The following SDK1 variants were observed in gnomAD, a reference collection of about 807,000 sequenced individuals.
SDK1 encodes protein sidekick-1.
SDK1 carries 157 observed loss-of-function variants against 245.5 expected under a neutral mutation model. That is an observed-to-expected ratio of 0.64 (90% confidence interval 0.56 to 0.73). SDK1 has a LOEUF of 0.73. SDK1 is among the 30% of genes least tolerant of loss of function. SDK1 has a pLI of 0.00. For synonymous variants in SDK1, 1,647 were observed against 1,278.5 expected (o/e 1.29, Z -6.15); for missense variants, 3,583 against 3,002.3 (o/e 1.19, Z -4.52).
intron 14 of SDK1, among the ~76,000 whole-genome samples, chr7:4,004,940 G>A (rs184264724): frequency 4.7e-5 from 7 of 150,482 alleles, no homozygotes; most frequent in Admixed American, 1.3e-4. Context: ...CTACCTCCCC[G>A]CTTCCTGCTT....
At chr7:3,348,585 A>G (rs554595266) in intron 1 of SDK1, among the ~76,000 whole-genome samples, 2 of 152,214 alleles carry the variant, frequency 1.3e-5, no homozygotes, top group South Asian at 4.1e-4. Flanking sequence ...GTGAAAACCT[A>G]CCTGTTGGGT....
In SDK1 at chr7:4,208,229, ACGC is replaced by A. The variant is rs759693511; in HGVS notation, c.5351_5353del (p.Ala1784del). The A allele has an allele frequency of 6.2e-7, 1 of 1,613,972 alleles. No homozygotes were observed. Among genetic ancestry groups the A allele is most frequent in the Non-Finnish European group, 8.5e-7 (1 of 1,180,022 alleles). On this transcript the variant is annotated inframe_deletion, in exon 37 of 45. Coordinates refer to ENST00000404826, the MANE Select transcript of SDK1 (RefSeq NM_152744.4). ...TACCTGGTCAGCATATCAGCCTTCA[ACGC>A]CGCCGGAGATGGACCTAAGAGTGAC...
Position 3,360,787 on chromosome 7 carries a change from G to A in SDK1, c.298+58903G>A, listed in dbSNP as rs143700142. Reference sequence around the variant, plus strand: ...TTAGCAGTCCCCCCTCCCCACAGAGGCAGAGAAGACTCCACTCTGTTATGT... The same window carrying A: ...TTAGCAGTCCCCCCTCCCCACAGAGACAGAGAAGACTCCACTCTGTTATGT... On this transcript the variant is annotated intron_variant, in intron 1 of 44. Coordinates refer to ENST00000404826, the MANE Select transcript of SDK1 (RefSeq NM_152744.4). 2.8e-3 allele frequency among the ~76,000 whole-genome samples: 421 copies of A among 152,254 alleles called. 3 individuals carry two copies. Among genetic ancestry groups the A allele is most frequent in the African/African-American group, 9.6e-3 (399 of 41,530 alleles).
chr7:3,323,920 T>G (rs971763918), intron 1 of SDK1, among the ~76,000 whole-genome samples: 2 of 152,204 alleles, frequency 1.3e-5, no homozygotes, highest in South Asian at 2.1e-4. Context: ...AATGTCATCT[T>G]CTCTGTCTTT....
chr7:4,253,151 A>T (rs1338698711), intron 44 of SDK1, among the ~76,000 whole-genome samples: 1 of 152,042 alleles, frequency 6.6e-6, no homozygotes, highest in Non-Finnish European at 1.5e-5. Flanking sequence ...TCTAATCTTT[A>T]TGACTTTCTT....
At chr7:3,751,448 C>CG (rs1779769342) in intron 4 of SDK1, among the ~76,000 whole-genome samples, 3 of 4,174 alleles carry the variant, frequency 7.2e-4, no homozygotes, top group East Asian at 4.7e-3. Context: ...AGAACTTCGG[C>CG]GGGGGGTGGG....
chr7:3,617,505 G>T (rs868497887), intron 1 of SDK1, among the ~76,000 whole-genome samples: 2 of 152,222 alleles, frequency 1.3e-5, no homozygotes, highest in Non-Finnish European at 2.9e-5. Flanking sequence ...CACAGTAGGT[G>T]TCTCACTCCG....
At chr7:3,715,517 G>A (rs921404609) in intron 4 of SDK1, among the ~76,000 whole-genome samples, 5 of 152,072 alleles carry the variant, frequency 3.3e-5, no homozygotes, top group African/African-American at 1.2e-4. Context: ...AGGGAAGTGC[G>A]TTCTGTCCCA....
At chr7:4,259,143 A>G (rs1787810333) in intron 44 of SDK1, among the ~76,000 whole-genome samples, 1 of 152,224 alleles carries the variant, frequency 6.6e-6, no homozygotes. Flanking sequence ...CAGATGAAGA[A>G]TAAATCTTAA....
chr7:4,261,562 C>T (rs1437009999), intron 44 of SDK1, among the ~76,000 whole-genome samples: 1 of 152,190 alleles, frequency 6.6e-6, no homozygotes, highest in Non-Finnish European at 1.5e-5. Flanking sequence ...CAGCTCCTAG[C>T]CTGGCCGCTG....
At chr7:3,893,564 C>T (rs757424830) in intron 5 of SDK1, among the ~76,000 whole-genome samples, 1 of 151,926 alleles carries the variant, frequency 6.6e-6, no homozygotes, top group East Asian at 1.9e-4. Context: ...TCACATTTCT[C>T]CAGCATTCTG....
At chr7:4,260,240 A>G (rs375574218) in intron 44 of SDK1, among the ~76,000 whole-genome samples, 7 of 141,378 alleles carry the variant, frequency 5.0e-5, no homozygotes, top group Non-Finnish European at 1.1e-4. Context: ...AGATGTGTTC[A>G]TCGTCACCTG....
chr7:3,967,245 A>G, intron 9 of SDK1, 73 bp from the exon 10 acceptor site: 2 of 1,163,736 alleles, frequency 1.7e-6, no homozygotes, highest in Non-Finnish European at 1.3e-6. Flanking sequence ...AAGCCCGTGC[A>G]GGATACTCTG....
intron 5 of SDK1, among the ~76,000 whole-genome samples, chr7:3,866,686 CTG>C (rs1780829331): frequency 6.6e-6 from 1 of 152,140 alleles, no homozygotes; most frequent in Non-Finnish European, 1.5e-5. Flanking sequence ...AAAAGAGAGA[CTG>C]AGCATTGATT....
chr7:3,670,764 C>G (rs1266099272), intron 4 of SDK1, among the ~76,000 whole-genome samples: 1 of 152,182 alleles, frequency 6.6e-6, no homozygotes, highest in African/African-American at 2.4e-5. Context: ...ACCTTACATC[C>G]CAGCTGGCTC....
intron 38 of SDK1, among the ~76,000 whole-genome samples, chr7:4,219,610 G>A (rs1310841476): frequency 6.6e-6 from 1 of 152,118 alleles, no homozygotes; most frequent in Non-Finnish European, 1.5e-5. Context: ...TGACAAGTGG[G>A]GATTATTACA....
intron 5 of SDK1, among the ~76,000 whole-genome samples, chr7:3,839,796 G>A (rs1357757082): frequency 6.6e-6 from 1 of 152,126 alleles, no homozygotes; most frequent in African/African-American, 2.4e-5. Context: ...CAATTATGAT[G>A]GATAATCAAA....
chr7:3,509,746 C>A (rs1008341415), intron 1 of SDK1, among the ~76,000 whole-genome samples: 10 of 152,320 alleles, frequency 6.6e-5, no homozygotes, highest in South Asian at 4.1e-4. Flanking sequence ...TGTTTTCTAC[C>A]TTCGGCCCTG....
intron 5 of SDK1, among the ~76,000 whole-genome samples, chr7:3,944,787 G>A (rs868539493): frequency 1.3e-5 from 2 of 152,130 alleles, no homozygotes; most frequent in Non-Finnish European, 2.9e-5. Flanking sequence ...GAAAGGGAGA[G>A]GAGCCAGTAC....
Sources: allele counts gnomAD v4.1 joint callset (sites outside exome capture counted in the v4.1 genomes callset), GRCh38; gene constraint gnomAD v4.1.1; transcripts MANE v1.5; gene names NCBI Gene and HGNC (gene_info 2026-07-23, HGNC 2026-07-21).